Variants in OGN observed in about 807,000 individuals in gnomAD.
OGN encodes osteoglycin, also known as mimecan.
In OGN, 19 loss-of-function variants were observed where a neutral mutation model predicts 30.8. The observed-to-expected ratio is 0.62, with a 90% CI of 0.43 to 0.90. The LOEUF is 0.90. Among genes scored for constraint, OGN ranks in the 40% least tolerant of loss-of-function variants. The pLI is 0.00. For synonymous variants in OGN, 126 were observed against 128.3 expected, an observed-to-expected ratio of 0.98 and a Z score of 0.12; for missense variants, 283 against 349.7, an observed-to-expected ratio of 0.81 and a Z score of 1.52.
intron 5 of OGN, among the ~76,000 whole-genome samples, chr9:92,388,369 C>T (rs112560604): frequency 1.8e-4 from 27 of 151,604 alleles, no homozygotes; most frequent in African/African-American, 5.3e-4. Flanking sequence ...ACCATGTTGG[C>T]CAGGCTGGTC....
In OGN at chr9:92,401,096, A is replaced by G. The variant is rs753063823; in HGVS notation, c.264T>C (p.Asn88=). The change falls in exon 3 of 7, where the codon AAT becomes AAC. Residue 88 remains asparagine, a synonymous_variant. Transcript: ENST00000375561. ...AAATATTTAGATGATACTTACCATC[A>G]TTTTCTTTCTTGGGAGGTAATGGTG... ...AITPLPPKKE[N]DEMPTCLLCV... 29 of 1,411,580 alleles carry G rather than the reference A, an allele frequency of 2.1e-5. No homozygotes were observed. Among genetic ancestry groups the G allele is most frequent in the South Asian group, 8.3e-5 (7 of 84,708 alleles). The allele number at this position is 1,411,580 out of a possible 1,614,324, so 87.4% of individuals were successfully genotyped here.
At chr9:92,387,205 T>C (rs1842467755) in intron 5 of OGN, among the ~76,000 whole-genome samples, 1 of 151,796 alleles carries the variant, frequency 6.6e-6, no homozygotes, top group African/African-American at 2.4e-5. Context: ...AAACCCCATT[T>C]CTACTAAAAA....
chr9:92,402,809 A>G (rs1843172544), intron 2 of OGN, among the ~76,000 whole-genome samples: 3 of 152,150 alleles, frequency 2.0e-5, no homozygotes, highest in Admixed American at 1.3e-4. Context: ...TCTTCTATGT[A>G]TTTTCTTCAA....
intron 2 of OGN, among the ~76,000 whole-genome samples, chr9:92,402,580 A>T (rs533808581): frequency 6.6e-6 from 1 of 152,334 alleles, no homozygotes; most frequent in South Asian, 2.1e-4. Flanking sequence ...TAGTTTGCCC[A>T]TAAAGGTGGG....
intron 3 of OGN, 108 bp from the exon 4 acceptor site, chr9:92,393,352 G>T: frequency 1.2e-6 from 1 of 813,368 alleles, no homozygotes; most frequent in Non-Finnish European, 1.9e-6. Context: ...TTGAAGAGAT[G>T]TTTTACAGAA....
chr9:92,396,080 A>G (rs912960182), intron 3 of OGN, among the ~76,000 whole-genome samples: 4 of 152,128 alleles, frequency 2.6e-5, no homozygotes, highest in African/African-American at 9.7e-5. Flanking sequence ...AAATTTTCCT[A>G]CAGTTGTCTG....
chr9:92,387,451 G>GT (rs199589066), intron 5 of OGN, among the ~76,000 whole-genome samples: 4,664 of 152,072 alleles, frequency 0.031, 112 homozygotes, highest in South Asian at 0.084. Flanking sequence ...CTTGATGCAG[G>GT]TTTTTTCCCT....
In OGN at chr9:92,383,453, A is replaced by T. The variant is rs1475221619; in HGVS notation, c.*2167T>A. ...ACACAAGACATCTTTCCATTTATGTATGTCTTTAGTTTTTTTCAGCAATGT... is the reference window on the plus strand; with the variant it reads ...ACACAAGACATCTTTCCATTTATGTTTGTCTTTAGTTTTTTTCAGCAATGT... On this transcript the variant is annotated 3_prime_UTR_variant, in exon 7 of 7. Transcript: ENST00000375561. 6.6e-6 allele frequency among the ~76,000 whole-genome samples: 1 copy of T among 152,170 alleles called. No individual in the cohort carries two copies. The highest frequency in any genetic ancestry group is 1.9e-4 in the East Asian group (1 of 5,204).
intron 5 of OGN, among the ~76,000 whole-genome samples, chr9:92,389,038 G>T (rs150789238): frequency 6.6e-6 from 1 of 152,136 alleles, no homozygotes; most frequent in Non-Finnish European, 1.5e-5. Flanking sequence ...TTTTTTGACA[G>T]AATTTACCTG....
chr9:92,389,800 T>C, intron 5 of OGN, 54 bp downstream of exon 5: 1 of 1,205,112 alleles, frequency 8.3e-7, no homozygotes. Context: ...AGTTTCTCTT[T>C]TATCTATCAT....
intron 3 of OGN, among the ~76,000 whole-genome samples, chr9:92,393,925 C>A (rs181729997): frequency 2.6e-5 from 4 of 152,152 alleles, no homozygotes; most frequent in African/African-American, 9.6e-5. Flanking sequence ...ATCTGTTTAT[C>A]CCATTCCTGA....
intron 3 of OGN, among the ~76,000 whole-genome samples, chr9:92,394,788 G>C (rs917298280): frequency 2.6e-5 from 4 of 151,114 alleles, no homozygotes; most frequent in African/African-American, 9.7e-5. Flanking sequence ...TGTATTTTTA[G>C]TAGAGACTGG....
intron 5 of OGN, among the ~76,000 whole-genome samples, chr9:92,389,019 G>T (rs1205458341): frequency 2.6e-5 from 4 of 152,016 alleles, no homozygotes; most frequent in African/African-American, 9.7e-5. Context: ...CTTTCTAACA[G>T]ATTGTACATT....
chr9:92,395,382 G>A (rs1226605591), intron 3 of OGN, among the ~76,000 whole-genome samples: 1 of 152,014 alleles, frequency 6.6e-6, no homozygotes, highest in East Asian at 1.9e-4. Flanking sequence ...TTATTACTCA[G>A]TAGTATTCAA....
rs771461826 is a variant in OGN, at chr9:92,404,496, C to T, written c.-76G>A. On this transcript the variant is annotated splice_region_variant and 5_prime_UTR_variant, in exon 1 of 7. Coordinates refer to ENST00000375561, the MANE Select transcript of OGN (RefSeq NM_014057.5). ...AATAATATATGAAAAGTAAGCCTACCGTTGTAGCTGTTTTGAAGTTTTTTG... is the reference window on the plus strand; with the variant it reads ...AATAATATATGAAAAGTAAGCCTACTGTTGTAGCTGTTTTGAAGTTTTTTG... The T allele has an allele frequency of 1.5e-5, 19 of 1,285,134 alleles. No individual in the cohort carries two copies. Among genetic ancestry groups the T allele is most frequent in the African/African-American group, 3.1e-5 (2 of 64,472 alleles). The allele number at this position is 1,285,134 out of a possible 1,614,324, so 79.6% of individuals were successfully genotyped here. A position where few individuals can be genotyped will look rare whatever the true frequency, so the allele number is the denominator to read the frequency against.
chr9:92,393,166 G>T lies in OGN; in HGVS notation c.347C>A (p.Pro116His), dbSNP rs557318116. Residue 116 changes from proline (P) to histidine (H), a missense_variant, in exon 4 of 7, where the codon CCC becomes CAC. Pro to His is a moderately conservative substitution (Grantham distance 77). Coordinates refer to ENST00000375561, the MANE Select transcript of OGN (RefSeq NM_014057.5). ...CEEVDIDAVP[P>H]LPKESAYLYA... ...AAGATAGGCTGATTCCTTTGGTAAG[G>T]GTGGTACAGCATCAATGTCAACTTC... The T allele has an allele frequency of 6.2e-7, 1 of 1,613,738 alleles. No homozygotes were observed. Among genetic ancestry groups the T allele is most frequent in the Admixed American group, 1.7e-5 (1 of 59,994 alleles).
intron 4 of OGN, among the ~76,000 whole-genome samples, chr9:92,392,831 A>G (rs1842741515): frequency 6.6e-6 from 1 of 152,176 alleles, no homozygotes; most frequent in African/African-American, 2.4e-5. Context: ...AGTTGAGAAG[A>G]TATAGTTGCC....
intron 3 of OGN, 30 bp from the exon 4 acceptor site, chr9:92,393,274 G>A: frequency 6.5e-7 from 1 of 1,544,112 alleles, no homozygotes; most frequent in South Asian, 1.2e-5. Flanking sequence ...ATAAAAATAT[G>A]AACAATCGTT....
At chr9:92,395,686 CTT>C (rs985388409) in intron 3 of OGN, among the ~76,000 whole-genome samples, 1 of 152,112 alleles carries the variant, frequency 6.6e-6, no homozygotes, top group African/African-American at 2.4e-5. Flanking sequence ...TATGGTCAGT[CTT>C]TTTAATTTTA....
Sources: allele counts gnomAD v4.1 joint callset (sites outside exome capture counted in the v4.1 genomes callset), GRCh38; gene constraint gnomAD v4.1.1; transcripts MANE v1.5; gene names NCBI Gene and HGNC (gene_info 2026-07-23, HGNC 2026-07-21).